Variants in TENM3 observed in about 807,000 individuals in gnomAD.
TENM3 encodes teneurin-3.
A neutral mutation model predicts 255.1 loss-of-function variants in TENM3; 63 were observed. The observed-to-expected ratio is 0.25, with a 90% CI of 0.20 to 0.30. The LOEUF (loss-of-function observed/expected upper bound fraction) is 0.30, where lower values mean the gene tolerates loss of function less well. Ranked by LOEUF, TENM3 falls within the 10% of genes least tolerant of loss-of-function variation. TENM3 has a pLI of 1.00. For synonymous variants in TENM3, 1,306 were observed against 1,322.3 expected, an observed-to-expected ratio of 0.99 and a Z score of 0.27; for missense variants, 2,929 against 3,461.1, an observed-to-expected ratio of 0.85 and a Z score of 3.86.
chr4:182,742,812 G>A (rs1395844021), intron 18 of TENM3, among the ~76,000 whole-genome samples: 1 of 152,130 alleles, frequency 6.6e-6, no homozygotes, highest in Middle Eastern at 3.2e-3. Context: ...CTCTGGGTGA[G>A]AACCAAGCAT....
the TENM3 span, among the ~76,000 whole-genome samples, chr4:181,611,765 T>C: frequency 1.3e-5 from 2 of 152,182 alleles, no homozygotes; most frequent in Non-Finnish European, 2.9e-5. Context: ...ATTTACTTCA[T>C]CCTCACTAAT....
chr4:182,232,415 G>A (rs1369768217), intron 1 of TENM3, among the ~76,000 whole-genome samples: 2 of 152,164 alleles, frequency 1.3e-5, no homozygotes, highest in African/African-American at 4.8e-5. Context: ...ACAAACTGGT[G>A]ATTGTCCAGA....
chr4:182,140,655 G>A (rs1356873314), upstream of TENM3, among the ~76,000 whole-genome samples: 1 of 152,228 alleles, frequency 6.6e-6, no homozygotes, highest in African/African-American at 2.4e-5. Context: ...AAAGCCTCGC[G>A]TGTTAAAGGA....
At chr4:181,861,497 A>G in the TENM3 span, among the ~76,000 whole-genome samples, 4 of 152,170 alleles carry the variant, frequency 2.6e-5, no homozygotes, top group Non-Finnish European at 5.9e-5. Context: ...CAATACTTCA[A>G]GCAGGGCTAG....
intron 1 of TENM3, among the ~76,000 whole-genome samples, chr4:182,253,790 C>A (rs1302255339): frequency 6.6e-6 from 1 of 152,098 alleles, no homozygotes; most frequent in Admixed American, 6.6e-5. Context: ...TTCATACTTA[C>A]AAGAGGGATT....
intron 3 of TENM3, among the ~76,000 whole-genome samples, chr4:182,498,673 G>GTGAA (rs1286280064): frequency 6.6e-6 from 1 of 151,966 alleles, no homozygotes; most frequent in Non-Finnish European, 1.5e-5. Flanking sequence ...GGCAAACATG[G>GTGAA]TGAAACCCCG....
rs563199232 is a variant in TENM3, at chr4:182,267,677, A to C, written c.-76+24201A>C. Among the ~76,000 whole-genome samples the C allele has an allele frequency of 5.9e-5, 9 of 152,088 alleles. No individual in the cohort carries two copies. In the South Asian group the frequency reaches 1.0e-3, roughly 18 times the overall value. ...TCAGCTTTAAAAAAGTCTTATCTGA[A>C]ATTCCTTCTGTGGAACAAAGTTCCA... On this transcript the variant is annotated intron_variant, in intron 1 of 27. Transcript: ENST00000511685.
intron 1 of TENM3, among the ~76,000 whole-genome samples, chr4:182,291,969 A>C: frequency 6.6e-6 from 1 of 152,146 alleles, no homozygotes; most frequent in Middle Eastern, 3.2e-3. Flanking sequence ...TTGTAATCTT[A>C]TTAAAACTTG....
chr4:182,792,246 T>G lies in TENM3; in HGVS notation c.5602-28T>G, dbSNP rs1766162966. The stretch of plus-strand genomic sequence containing the variant: ...TTTTGCATCTCCCGTTCACAAACAC[T>G]GAGTAACAGTATGTTCTCTCTTTAC... On this transcript the variant is annotated intron_variant, in intron 25 of 27. Coordinates refer to ENST00000511685, the MANE Select transcript of TENM3 (RefSeq NM_001080477.4). The surrounding 1 kb of genome is among the most constrained non-coding windows in gnomAD (Gnocchi z 6.3). 3 of 1,571,288 alleles carry G rather than the reference T, an allele frequency of 1.9e-6. No individual in the cohort carries two copies. The Admixed American group carries it at 5.3e-5, about 28-fold the overall frequency.
chr4:182,523,932 CT>C (rs1738849006), intron 3 of TENM3, among the ~76,000 whole-genome samples: 1 of 152,144 alleles, frequency 6.6e-6, no homozygotes, highest in African/African-American at 2.4e-5. Context: ...AGGATATTTA[CT>C]TTCCTCATAT....
At chr4:181,729,548 G>A in the TENM3 span, among the ~76,000 whole-genome samples, 60 of 152,288 alleles carry the variant, frequency 3.9e-4, no homozygotes, top group African/African-American at 1.3e-3. Context: ...AACTTTTGTG[G>A]CTCTATCATT....
chr4:182,298,920 G>C, intron 1 of TENM3, among the ~76,000 whole-genome samples: 1 of 139,678 alleles, frequency 7.2e-6, no homozygotes, highest in African/African-American at 2.6e-5. Context: ...GGAGGCAGAG[G>C]TTGCAGTGAG....
intron 22 of TENM3, among the ~76,000 whole-genome samples, chr4:182,764,285 C>T (rs997511779): frequency 7.9e-5 from 12 of 152,220 alleles, no homozygotes; most frequent in African/African-American, 2.4e-4. Context: ...CTCATGTGCT[C>T]ATTCATTCAG....
chr4:181,763,205 A>C, the TENM3 span, among the ~76,000 whole-genome samples: 2,208 of 152,290 alleles, frequency 0.014, 56 homozygotes, highest in African/African-American at 0.05. Flanking sequence ...ATTTTACTAA[A>C]GGAATTGTTG....
chr4:181,506,573 A>C, the TENM3 span, among the ~76,000 whole-genome samples: 7 of 152,070 alleles, frequency 4.6e-5, no homozygotes, highest in South Asian at 8.3e-4. Context: ...GCATCATCTC[A>C]GAAGATGCAC....
the TENM3 span, among the ~76,000 whole-genome samples, chr4:181,964,856 T>A: frequency 6.6e-6 from 1 of 152,134 alleles, no homozygotes; most frequent in Non-Finnish European, 1.5e-5. Context: ...AGATTTACAC[T>A]GATCCACTGA....
At chr4:181,799,077 T>A in the TENM3 span, among the ~76,000 whole-genome samples, 1 of 152,208 alleles carries the variant, frequency 6.6e-6, no homozygotes, top group Non-Finnish European at 1.5e-5. Context: ...GGCTCCCTTT[T>A]CCCACTAACA....
At chr4:182,740,203 A>G (rs368599500) in intron 18 of TENM3, among the ~76,000 whole-genome samples, 3 of 152,200 alleles carry the variant, frequency 2.0e-5, no homozygotes, top group Non-Finnish European at 2.9e-5. Flanking sequence ...CGTCCTGGAC[A>G]TCAGGATGCA....
chr4:182,254,533 C>T (rs913982999), intron 1 of TENM3, among the ~76,000 whole-genome samples: 7 of 152,058 alleles, frequency 4.6e-5, no homozygotes, highest in Non-Finnish European at 1.0e-4. Context: ...ATTTTATATT[C>T]TTTCAGGTCT....
Sources: allele counts gnomAD v4.1 joint callset (sites outside exome capture counted in the v4.1 genomes callset), GRCh38; gene constraint gnomAD v4.1.1; non-coding constraint Gnocchi (gnomAD v3.1); transcripts MANE v1.5; gene names NCBI Gene and HGNC (gene_info 2026-07-23, HGNC 2026-07-21).